Variants in HMHB1 observed in about 807,000 individuals in gnomAD.
HMHB1 encodes the protein histocompatibility minor HB-1.
A neutral mutation model predicts 2.4 loss-of-function variants in HMHB1; 4 were observed. The ratio of observed to expected loss-of-function variants is 1.65; its 90% confidence interval spans 0.81 to 3.77. The LOEUF is 3.77. Among genes scored for constraint, HMHB1 ranks in the 30% most tolerant of loss-of-function variants. The pLI is 0.01. For synonymous variants in HMHB1, 22 were observed against 17.6 expected (o/e 1.25, Z -0.63); for missense variants, 57 against 44.2 (o/e 1.29, Z -0.82).
intron 1 of HMHB1, 83 bp from the exon 2 acceptor site, chr5:143,820,397 G>T: frequency 3.4e-6 from 2 of 592,420 alleles, no homozygotes; most frequent in Non-Finnish European, 3.0e-6. Flanking sequence ...TCTTTACTCT[G>T]TTTGGAGTTT....
chr5:143,816,685 C>T (rs922237604), intron 1 of HMHB1, among the ~76,000 whole-genome samples: 10 of 152,308 alleles, frequency 6.6e-5, no homozygotes, highest in South Asian at 2.1e-4. Flanking sequence ...GTATCTTTTT[C>T]GCATAATGAC....
rs1561936250 is a variant in HMHB1, at chr5:143,812,292, G to A, written c.25G>A (p.Glu9Lys). The A allele has an allele frequency of 1.3e-6, 2 of 1,551,666 alleles. No homozygotes were observed. The highest frequency in any genetic ancestry group is 1.2e-5 in the South Asian group (1 of 84,058). Residue 9 changes from glutamate (E) to lysine (K), a missense_variant, in exon 1 of 2, where the codon GAA (glutamate) becomes AAA (lysine). Physicochemically the swap from Glu to Lys is moderately conservative, Grantham distance 56. Coordinates refer to ENST00000289448, the MANE Select transcript of HMHB1 (RefSeq NM_021182.3). ...ACTGGAGGAGCAGCCAGAATGCAGA[G>A]AAGAAAAAAGAGGTGAGGGAGCGAG...
chr5:143,813,426 C>T (rs1759714294), intron 1 of HMHB1, among the ~76,000 whole-genome samples: 1 of 152,188 alleles, frequency 6.6e-6, no homozygotes, highest in South Asian at 2.1e-4. Context: ...GCATGGGATT[C>T]TTGAGGGAAG....
rs60960654 is a variant in HMHB1, at chr5:143,820,318, TAAAAAAAAAAAAAAA to T, written c.38-144_38-130del. On this transcript the variant is annotated intron_variant, in intron 1 of 1. Transcript: ENST00000289448. The stretch of plus-strand genomic sequence containing the variant: ...AGGTGCTGCCCCGGCTCATCATAAG[TAAAAAAAAAAAAAAA>T]AAAAAAAAAAAAAAAAACAGAACAA... Among the ~76,000 whole-genome samples, 69 of 47,584 alleles carry T rather than the reference TAAAAAAAAAAAAAAA, an allele frequency of 1.5e-3. 3 individuals carry two copies. The highest frequency in any genetic ancestry group is 0.014 in the Middle Eastern group (1 of 72). The allele number at this position is 47,584 out of a possible 152,430, so 31.2% of individuals were successfully genotyped here.
chr5:143,818,533 T>A (rs1581012278), intron 1 of HMHB1, among the ~76,000 whole-genome samples: 1 of 152,212 alleles, frequency 6.6e-6, no homozygotes, highest in Admixed American at 6.5e-5. Context: ...TCAAAGTGAC[T>A]ATTATTTATC....
At chr5:143,818,320 A>T (rs538077668) in intron 1 of HMHB1, among the ~76,000 whole-genome samples, 2 of 152,314 alleles carry the variant, frequency 1.3e-5, no homozygotes, top group African/African-American at 4.8e-5. Flanking sequence ...GGGATGAAGG[A>T]TGGGTAAAAT....
At chr5:143,812,380 T>C (rs1759702270) in intron 1 of HMHB1, 76 bp downstream of exon 1, 2 of 1,389,286 alleles carry the variant, frequency 1.4e-6, no homozygotes, top group Non-Finnish European at 2.0e-6. Context: ...TGAAAGAAAA[T>C]GCTGGTGGAA....
At chr5:143,812,953 T>TTTTGTTTGTTTG (rs112071292) in intron 1 of HMHB1, among the ~76,000 whole-genome samples, 6 of 150,954 alleles carry the variant, frequency 4.0e-5, no homozygotes, top group African/African-American at 1.5e-4. Context: ...CTGTCGTGTT[T>TTTTGTTTGTTTG]TTTGTTTGTT....
intron 1 of HMHB1, among the ~76,000 whole-genome samples, 163 bp from the exon 2 acceptor site, chr5:143,820,317 G>GAAAA (rs1759793579): frequency 2.1e-4 from 1 of 4,752 alleles, no homozygotes; most frequent in Non-Finnish European, 4.7e-4. Flanking sequence ...CTCATCATAA[G>GAAAA]TAAAAAAAAA....
intron 1 of HMHB1, 64 bp from the exon 2 acceptor site, chr5:143,820,416 T>C (rs901014139): frequency 7.0e-6 from 6 of 856,960 alleles, no homozygotes; most frequent in Non-Finnish European, 1.1e-5. Flanking sequence ...TTTATTAATC[T>C]AAATAGAAAA....
intron 1 of HMHB1, among the ~76,000 whole-genome samples, chr5:143,813,631 C>T (rs1194919044): frequency 1.3e-5 from 2 of 152,192 alleles, no homozygotes; most frequent in Non-Finnish European, 2.9e-5. Context: ...TTGTCAGTCT[C>T]ATGAGCAGTC....
chr5:143,816,000 C>T (rs928343153), intron 1 of HMHB1, among the ~76,000 whole-genome samples: 2 of 152,154 alleles, frequency 1.3e-5, no homozygotes, highest in Non-Finnish European at 2.9e-5. Flanking sequence ...GCCGCTGTGC[C>T]CAGCCCTCTT....
At chr5:143,820,317 G>GAAAAAAAAAAAAAAAAAAAAAAAAA (rs1759793579) in intron 1 of HMHB1, among the ~76,000 whole-genome samples, 163 bp from the exon 2 acceptor site, 1 of 4,758 alleles carries the variant, frequency 2.1e-4, no homozygotes, top group African/African-American at 6.4e-4. Context: ...CTCATCATAA[G>GAAAAAAAAAAAAAAAAAAAAAAAAA]TAAAAAAAAA....
intron 1 of HMHB1, among the ~76,000 whole-genome samples, chr5:143,819,951 C>G (rs918729382): frequency 2.6e-5 from 4 of 152,028 alleles, no homozygotes; most frequent in Non-Finnish European, 5.9e-5. Context: ...TGGAAATCTG[C>G]CATGAGATAT....
At chr5:143,815,377 C>A (rs957526202) in intron 1 of HMHB1, among the ~76,000 whole-genome samples, 2 of 152,188 alleles carry the variant, frequency 1.3e-5, no homozygotes, top group Non-Finnish European at 2.9e-5. Flanking sequence ...GATTTACCTG[C>A]ATTCCATTGC....
intron 1 of HMHB1, among the ~76,000 whole-genome samples, chr5:143,816,267 T>C (rs1759748650): frequency 6.6e-6 from 1 of 152,220 alleles, no homozygotes; most frequent in Admixed American, 6.5e-5. Context: ...AGTCAGTTCT[T>C]TAGTGGTGAT....
chr5:143,813,003 C>T (rs1202774126), intron 1 of HMHB1, among the ~76,000 whole-genome samples: 2 of 151,996 alleles, frequency 1.3e-5, no homozygotes, highest in African/African-American at 4.8e-5. Flanking sequence ...TTGAAGAGGA[C>T]ACACGGAGCC....
chr5:143,817,634 A>T (rs1759764374), intron 1 of HMHB1, among the ~76,000 whole-genome samples: 1 of 152,116 alleles, frequency 6.6e-6, no homozygotes, highest in African/African-American at 2.4e-5. Context: ...AAATCAGGTA[A>T]TGTGATGCCT....
At chr5:143,819,801 T>C (rs1759788362) in intron 1 of HMHB1, among the ~76,000 whole-genome samples, 1 of 152,154 alleles carries the variant, frequency 6.6e-6, no homozygotes, top group Non-Finnish European at 1.5e-5. Flanking sequence ...TAGTCTCCTT[T>C]CTTGGCTTAG....
Sources: gnomAD v4.1 joint callset for allele counts (sites outside exome capture counted in the v4.1 genomes callset) on GRCh38, gnomAD v4.1.1 for gene constraint, MANE v1.5 for transcripts, NCBI Gene and HGNC (gene_info 2026-07-23, HGNC 2026-07-21) for gene names.